EYS: variants seen among roughly 807,000 people sequenced by gnomAD.
EYS encodes protein eyes shut homolog.
Under a neutral mutation model 282.1 loss-of-function variants are expected in EYS, and 250 were observed. The observed-to-expected ratio is 0.89, with a 90% confidence interval of 0.80 to 0.98. The LOEUF (loss-of-function observed/expected upper bound fraction) is 0.98, where lower values mean the gene tolerates loss of function less well. EYS is among the 50% of genes least tolerant of loss of function. The pLI, the probability that EYS is intolerant of heterozygous loss-of-function variation, is 0.00. For synonymous variants in EYS, 1,355 were observed against 1,282.9 expected, an observed-to-expected ratio of 1.06 and a Z score of -1.20; for missense variants, 4,016 against 3,709.0, an observed-to-expected ratio of 1.08 and a Z score of -2.15.
chr6:64,723,152 C>A (rs1771642069), intron 22 of EYS, among the ~76,000 whole-genome samples: 1 of 151,818 alleles, frequency 6.6e-6, no homozygotes, highest in African/African-American at 2.4e-5. Context: ...CACATCGAGG[C>A]AGACATTCCA....
chr6:64,992,346 T>C (rs1406151053), intron 14 of EYS, among the ~76,000 whole-genome samples: 1 of 151,880 alleles, frequency 6.6e-6, no homozygotes, highest in East Asian at 1.9e-4. Flanking sequence ...ATGTCAAAGC[T>C]AGACAATCTT....
chr6:65,299,406 C>T (rs975602827), intron 11 of EYS, among the ~76,000 whole-genome samples: 6 of 150,622 alleles, frequency 4.0e-5, no homozygotes, highest in Non-Finnish European at 7.4e-5. Context: ...CTTCCCCTGA[C>T]CCCCCCCAAA....
intron 19 of EYS, among the ~76,000 whole-genome samples, chr6:64,861,794 A>G (rs1248182753): frequency 1.3e-5 from 2 of 152,214 alleles, no homozygotes; most frequent in Admixed American, 6.5e-5. Flanking sequence ...CTTTGCTATT[A>G]TTAACAATTT....
intron 19 of EYS, among the ~76,000 whole-genome samples, chr6:64,833,101 A>T (rs1462373758): frequency 6.6e-6 from 1 of 151,690 alleles, no homozygotes; most frequent in Non-Finnish European, 1.5e-5. Flanking sequence ...AATGCACACA[A>T]CTCTGTTTCT....
At chr6:65,447,768 A>G (rs1003114338) in intron 5 of EYS, among the ~76,000 whole-genome samples, 2 of 152,064 alleles carry the variant, frequency 1.3e-5, no homozygotes, top group Non-Finnish European at 2.9e-5. Context: ...AGAGAGATAA[A>G]TAACTAATGA....
intron 1 of EYS, among the ~76,000 whole-genome samples, chr6:65,662,628 A>C (rs953583081): frequency 1.3e-5 from 2 of 152,198 alleles, no homozygotes; most frequent in African/African-American, 4.8e-5. Flanking sequence ...CTTTCAGCTC[A>C]ATAATCCATG....
chr6:64,968,162 A>G (rs1012472678), intron 14 of EYS, among the ~76,000 whole-genome samples: 4 of 152,206 alleles, frequency 2.6e-5, no homozygotes, highest in African/African-American at 9.6e-5. Context: ...TAAACAGGAA[A>G]TTAACTTCGA....
intron 22 of EYS, among the ~76,000 whole-genome samples, chr6:64,712,362 T>C (rs1771242660): frequency 6.6e-6 from 1 of 152,216 alleles, no homozygotes; most frequent in Non-Finnish European, 1.5e-5. Context: ...GAAGCATGAT[T>C]AATCTACTTC....
intron 35 of EYS, among the ~76,000 whole-genome samples, chr6:63,938,261 C>T (rs1007575260): frequency 1.3e-5 from 2 of 152,138 alleles, no homozygotes; most frequent in African/African-American, 4.8e-5. Flanking sequence ...CAACCACAGT[C>T]TAATTATCAG....
chr6:64,042,732 T>C (rs1770445609), intron 33 of EYS, among the ~76,000 whole-genome samples: 1 of 152,206 alleles, frequency 6.6e-6, no homozygotes. Context: ...CTTTTTGTTC[T>C]CTGGACACTT....
rs1200359191 is a variant in EYS at position 64,590,350 on chromosome 6, T to C, written c.5517A>G (p.Lys1839=). ...KEVKTSSEWS[K]WELQPSVQYQ... is the part of the protein sequence containing the mutation. ...ATTGCACACTAGGCTGAAGTTCCCA[T>C]TTGGACCATTCTGAAGAAGTCTTGA... The change falls in exon 26 of 43, where the codon AAA becomes AAG. Residue 1839 remains lysine (K), a synonymous_variant. Coordinates refer to ENST00000503581, the MANE Select transcript of EYS (RefSeq NM_001142800.2). The C allele has an allele frequency of 6.4e-7, 1 of 1,551,256 alleles. No homozygotes were observed. Among genetic ancestry groups the C allele is most frequent in the Admixed American group, 2.0e-5 (1 of 50,964 alleles).
intron 35 of EYS, among the ~76,000 whole-genome samples, chr6:63,934,287 T>TG (rs1389171976): frequency 2.0e-5 from 3 of 152,144 alleles, no homozygotes; most frequent in Non-Finnish European, 4.4e-5. Context: ...TAGGAACACT[T>TG]TACACTGTTG....
At chr6:65,379,112 T>C (rs1467939356) in intron 8 of EYS, among the ~76,000 whole-genome samples, 1 of 152,052 alleles carries the variant, frequency 6.6e-6, no homozygotes, top group East Asian at 1.9e-4. Flanking sequence ...CCTAACTCAT[T>C]TTATGAGTCC....
chr6:64,719,710 G>C (rs1484446467), intron 22 of EYS, among the ~76,000 whole-genome samples: 1 of 152,070 alleles, frequency 6.6e-6, no homozygotes, highest in East Asian at 1.9e-4. Flanking sequence ...TTCTCCACCA[G>C]CCTGGCCAAC....
intron 5 of EYS, among the ~76,000 whole-genome samples, chr6:65,413,652 G>T (rs1767115712): frequency 6.6e-6 from 1 of 151,992 alleles, no homozygotes; most frequent in East Asian, 1.9e-4. Context: ...GAGGTCAGGA[G>T]TTCGAGACCA....
intron 36 of EYS, among the ~76,000 whole-genome samples, chr6:63,835,447 A>T (rs1366405430): frequency 5.9e-5 from 9 of 151,970 alleles, no homozygotes; most frequent in Non-Finnish European, 1.2e-4. Flanking sequence ...AGAAACTATT[A>T]ATTCTTTCGT....
intron 1 of EYS, among the ~76,000 whole-genome samples, chr6:65,696,996 G>T (rs1306835944): frequency 2.6e-5 from 4 of 151,890 alleles, no homozygotes; most frequent in Non-Finnish European, 5.9e-5. Context: ...GATACCAAAG[G>T]CATGAAAAGA....
At chr6:65,344,233 A>C in intron 9 of EYS, 56 bp from the exon 10 acceptor site, 12 of 1,356,196 alleles carry the variant, frequency 8.8e-6, no homozygotes, top group Non-Finnish European at 1.0e-5. Flanking sequence ...TGAATTCAGA[A>C]TGAATTATTA....
intron 35 of EYS, among the ~76,000 whole-genome samples, chr6:63,982,203 T>A (rs749265949): frequency 6.6e-6 from 1 of 151,798 alleles, no homozygotes; most frequent in African/African-American, 2.4e-5. Context: ...GAAATGAGAG[T>A]GTGTTAGTTT....
Sources: gnomAD v4.1 joint callset for allele counts (sites outside exome capture counted in the v4.1 genomes callset) on GRCh38, gnomAD v4.1.1 for gene constraint, MANE v1.5 for transcripts, NCBI Gene and HGNC (gene_info 2026-07-23, HGNC 2026-07-21) for gene names.